The following MARCHF8 variants were observed in gnomAD, a reference collection of about 807,000 sequenced individuals.
MARCHF8 encodes membrane associated ring-CH-type finger 8, also known as E3 ubiquitin-protein ligase MARCHF8.
MARCHF8 carries 40 observed loss-of-function variants against 51.6 expected under a neutral mutation model. The ratio of observed to expected loss-of-function variants is 0.77; its 90% CI spans 0.60 to 1.01. The LOEUF is 1.01. MARCHF8 is among the 50% of genes least tolerant of loss of function. MARCHF8 has a pLI of 0.00. For synonymous variants in MARCHF8, 263 were observed against 280.3 expected (o/e 0.94, Z 0.62); for missense variants, 685 against 708.6 (o/e 0.97, Z 0.38).
intron 1 of MARCHF8, among the ~76,000 whole-genome samples, chr10:45,552,058 G>A (rs148011677): frequency 4.7e-4 from 71 of 152,068 alleles, no homozygotes; most frequent in Middle Eastern, 6.8e-3. Context: ...TATTCCCTAC[G>A]GTGTTCCATA....
intron 3 of MARCHF8, among the ~76,000 whole-genome samples, chr10:45,477,127 G>A (rs746107514): frequency 3.9e-5 from 6 of 152,066 alleles, no homozygotes; most frequent in Admixed American, 6.5e-5. Flanking sequence ...GACCCCCATC[G>A]AACCAACAGC....
intron 1 of MARCHF8, among the ~76,000 whole-genome samples, chr10:45,568,715 CAAAAAAAAAAAAA>C (rs71023130): frequency 2.6e-5 from 2 of 75,586 alleles, no homozygotes; most frequent in Non-Finnish European, 4.9e-5. Context: ...GAGACTGTTT[CAAAAAAAAAAAAA>C]AAAAAAAAAA....
At chr10:45,534,606 G>A (rs1041633318) in intron 1 of MARCHF8, among the ~76,000 whole-genome samples, 2 of 152,086 alleles carry the variant, frequency 1.3e-5, no homozygotes, top group African/African-American at 4.8e-5. Context: ...GTTTCATGTT[G>A]TTCAAATTTT....
chr10:45,548,058 T>A (rs1003046119), intron 1 of MARCHF8, among the ~76,000 whole-genome samples: 1 of 152,196 alleles, frequency 6.6e-6, no homozygotes, highest in Non-Finnish European at 1.5e-5. Flanking sequence ...TTTATTCTAG[T>A]AGAAGATGCA....
At position 45,477,729 on chromosome 10, in the gene MARCHF8, A is replaced by T. The variant is rs76596226; in HGVS notation, c.153+11638T>A. Among the ~76,000 whole-genome samples the T allele has an allele frequency of 6.8e-3, 1,029 of 152,350 alleles. 9 individuals are homozygous for T. The highest frequency in any genetic ancestry group is 0.024 in the African/African-American group (980 of 41,588). ...TTAAAGTACAGGGATGAAAAAAGAT[A>T]TTCCATGCAAATAAAAACCAAAAGC... On this transcript the variant is annotated intron_variant, in intron 3 of 7. Transcript: ENST00000453424.
chr10:45,460,480 ATT>A (rs1842752233), intron 6 of MARCHF8, among the ~76,000 whole-genome samples: 1 of 152,222 alleles, frequency 6.6e-6, no homozygotes, highest in Admixed American at 6.5e-5. Flanking sequence ...ACCATTTAGC[ATT>A]TAATTGGCTA....
At chr10:45,502,973 G>A (rs2133151453) in intron 2 of MARCHF8, among the ~76,000 whole-genome samples, 1 of 152,252 alleles carries the variant, frequency 6.6e-6, no homozygotes, top group South Asian at 2.1e-4. Context: ...GGCTCTGAAG[G>A]TATGCAATGT....
chr10:45,578,765 A>G (rs758469492), intron 1 of MARCHF8, among the ~76,000 whole-genome samples: 17 of 152,168 alleles, frequency 1.1e-4, no homozygotes, highest in Admixed American at 8.5e-4. Flanking sequence ...AATAAAAATC[A>G]CTTTTTTGTT....
intron 1 of MARCHF8, among the ~76,000 whole-genome samples, chr10:45,582,427 G>A (rs1216107551): frequency 1.3e-5 from 2 of 152,002 alleles, no homozygotes; most frequent in African/African-American, 4.8e-5. Context: ...TCTCCAAGTT[G>A]TAAAATGCAC....
At chr10:45,573,419 A>C (rs558523029) in intron 1 of MARCHF8, among the ~76,000 whole-genome samples, 1 of 152,256 alleles carries the variant, frequency 6.6e-6, no homozygotes, top group South Asian at 2.1e-4. Context: ...AGCACACAAG[A>C]ACTCCAAACA....
In MARCHF8 at chr10:45,461,408, G is replaced by C. The variant is rs1842781623; in HGVS notation, c.1092C>G (p.Ile364Met). The change falls in exon 6 of 8, where the codon ATC (isoleucine) becomes ATG (methionine). Residue 364 changes from isoleucine (I) to methionine (M), a missense_variant. By Grantham distance (10) the Ile-to-Met change is conservative. Transcript: ENST00000453424. ...TCTCATCATCTCCTTCACAGTGGCA[G>C]ATCCTATGGTGGAAGGAAAACCTGT... ...PVSTSGDVCRICHCEGDDESP... is the reference protein window; with the variant it reads ...PVSTSGDVCRMCHCEGDDESP... 3 of 1,558,272 alleles carry C rather than the reference G, an allele frequency of 1.9e-6. No individual in the cohort carries two copies. The highest frequency in any genetic ancestry group is 1.2e-5 in the South Asian group (1 of 83,968).
At chr10:45,539,917 G>C (rs1223242215), upstream of MARCHF8, among the ~76,000 whole-genome samples, 1 of 152,096 alleles carries the variant, frequency 6.6e-6, no homozygotes, top group Non-Finnish European at 1.5e-5. Flanking sequence ...AACAGACAGA[G>C]AGCCAAATCA....
At chr10:45,507,908 A>T (rs1001941658) in intron 2 of MARCHF8, among the ~76,000 whole-genome samples, 5 of 152,174 alleles carry the variant, frequency 3.3e-5, no homozygotes, top group Non-Finnish European at 4.4e-5. Flanking sequence ...CTCTGTTGAA[A>T]TTAGAAAATT....
intron 2 of MARCHF8, among the ~76,000 whole-genome samples, chr10:45,504,717 G>A (rs1410054316): frequency 6.6e-6 from 1 of 152,048 alleles, no homozygotes; most frequent in Non-Finnish European, 1.5e-5. Context: ...CTTTCTAGAT[G>A]GTGTTTCCTA....
At chr10:45,521,729 C>T (rs551028380) in intron 2 of MARCHF8, among the ~76,000 whole-genome samples, 1 of 152,198 alleles carries the variant, frequency 6.6e-6, no homozygotes, top group Non-Finnish European at 1.5e-5. Context: ...CTTTCTTCAG[C>T]TCACTTTCGG....
At chr10:45,474,233 G>A (rs1257178892) in intron 3 of MARCHF8, among the ~76,000 whole-genome samples, 2 of 152,156 alleles carry the variant, frequency 1.3e-5, no homozygotes, top group Non-Finnish European at 2.9e-5. Context: ...TTGTCAAATG[G>A]TAAGACAGCC....
chr10:45,550,245 A>G (rs2044179714), intron 1 of MARCHF8, among the ~76,000 whole-genome samples: 1 of 152,226 alleles, frequency 6.6e-6, no homozygotes, highest in Admixed American at 6.5e-5. Flanking sequence ...ACTACAGAAT[A>G]ACATTAATAA....
intron 1 of MARCHF8, among the ~76,000 whole-genome samples, chr10:45,569,099 A>C (rs561788578): frequency 3.7e-4 from 57 of 152,030 alleles, no homozygotes; most frequent in African/African-American, 1.1e-3. Context: ...GCAAAAAAAA[A>C]CCACATCATA....
At chr10:45,529,632 T>C (rs2043845580) in intron 2 of MARCHF8, among the ~76,000 whole-genome samples, 2 of 152,144 alleles carry the variant, frequency 1.3e-5, no homozygotes, top group Admixed American at 6.5e-5. Context: ...AATAACCTTT[T>C]TAAAAAATGG....
Sources: gnomAD v4.1 joint callset for allele counts (sites outside exome capture counted in the v4.1 genomes callset) on GRCh38, gnomAD v4.1.1 for gene constraint, MANE v1.5 for transcripts, NCBI Gene and HGNC (gene_info 2026-07-23, HGNC 2026-07-21) for gene names.